ZC3H15: variants seen among roughly 807,000 people sequenced by gnomAD.
ZC3H15 encodes zinc finger CCCH domain-containing protein 15.
Under a neutral mutation model 51.2 loss-of-function variants are expected in ZC3H15, and 15 were observed. The observed-to-expected ratio is 0.29, with a 90% CI of 0.20 to 0.45. ZC3H15 has a LOEUF of 0.45. Among genes scored for constraint, ZC3H15 ranks in the 20% least tolerant of loss-of-function variants. ZC3H15 has a pLI of 1.00. For synonymous variants in ZC3H15, 144 were observed against 162.8 expected, an observed-to-expected ratio of 0.88 and a Z score of 0.88; for missense variants, 381 against 494.7, an observed-to-expected ratio of 0.77 and a Z score of 2.18.
At position 186,508,845 on chromosome 2, in the gene ZC3H15, G is replaced by C. The variant is rs1685509270; in HGVS notation, c.*112G>C. 2 of 1,243,482 alleles carry C rather than the reference G, an allele frequency of 1.6e-6. No individual in the cohort carries two copies. Among genetic ancestry groups the C allele is most frequent in the East Asian group, 5.0e-5 (2 of 39,608 alleles). 77.0% of individuals were successfully genotyped at this position (1,243,482 alleles called of 1,614,324 possible). A position where few individuals can be genotyped will look rare whatever the true frequency, so the allele number is the denominator to read the frequency against. On this transcript the variant is annotated 3_prime_UTR_variant, in exon 10 of 10. Transcript: ENST00000337859. The stretch of plus-strand genomic sequence containing the variant: ...GATGTTTATTTCCTATGCTGATTCT[G>C]GAGGAGTTAACCTCCTGCAAAAAAG...
At chr2:186,494,764 G>A (rs1050559532) in intron 1 of ZC3H15, among the ~76,000 whole-genome samples, 7 of 151,982 alleles carry the variant, frequency 4.6e-5, no homozygotes, top group African/African-American at 9.7e-5. Flanking sequence ...GGTGGGAATC[G>A]AACAATGAGA....
intron 2 of ZC3H15, among the ~76,000 whole-genome samples, chr2:186,496,665 A>G (rs1685287195): frequency 6.6e-6 from 1 of 152,208 alleles, no homozygotes; most frequent in African/African-American, 2.4e-5. Flanking sequence ...AATATCATAG[A>G]GTGTACTTAC....
chr2:186,500,758 T>C, intron 3 of ZC3H15: 1 of 452,010 alleles, frequency 2.2e-6, no homozygotes, highest in Admixed American at 2.4e-5. Context: ...CACTGCAACC[T>C]CCGACTGTCT....
chr2:186,503,126 GTC>G (rs1332552729), intron 5 of ZC3H15, among the ~76,000 whole-genome samples: 1 of 152,116 alleles, frequency 6.6e-6, no homozygotes, highest in Non-Finnish European at 1.5e-5. Flanking sequence ...ACAGTAAAAA[GTC>G]TTGCTGTGCT....
At chr2:186,502,091 A>G (rs970012294) in intron 4 of ZC3H15, among the ~76,000 whole-genome samples, 2 of 152,106 alleles carry the variant, frequency 1.3e-5, no homozygotes, top group South Asian at 4.1e-4. Context: ...GCTCATGCCT[A>G]TAATCCCAGC....
intron 2 of ZC3H15, among the ~76,000 whole-genome samples, chr2:186,498,137 G>A (rs1685313897): frequency 6.6e-6 from 1 of 152,192 alleles, no homozygotes; most frequent in African/African-American, 2.4e-5. Flanking sequence ...GTCTGAGGTA[G>A]CCAAGAGAAC....
intron 1 of ZC3H15, 169 bp from the exon 2 acceptor site, chr2:186,495,064 G>A (rs1217598727): frequency 2.6e-6 from 1 of 383,008 alleles, no homozygotes; most frequent in East Asian, 4.4e-5. Context: ...TAAAGAATCT[G>A]GGTGATGATT....
At chr2:186,503,971 G>A in intron 5 of ZC3H15, 61 bp from the exon 6 acceptor site, 1 of 1,363,726 alleles carries the variant, frequency 7.3e-7, no homozygotes, top group South Asian at 1.7e-5. Context: ...ATATACTCAG[G>A]CATTTACCTT....
chr2:186,505,343 C>G, intron 6 of ZC3H15, 108 bp from the exon 7 acceptor site: 1 of 1,321,068 alleles, frequency 7.6e-7, no homozygotes, highest in Non-Finnish European at 1.0e-6. Flanking sequence ...AATGTAATAT[C>G]TTCAGGATAG....
At position 186,486,355 on chromosome 2, in the gene ZC3H15, A is replaced by G. The variant is rs201620446; in HGVS notation, c.-28A>G. The G allele has an allele frequency of 3.3e-6, 5 of 1,526,170 alleles. No individual in the cohort carries two copies. In the East Asian group the frequency reaches 1.0e-4, roughly 31 times the overall value. 94.5% of individuals were successfully genotyped at this position (1,526,170 alleles called of 1,614,324 possible). A position where few individuals can be genotyped will look rare whatever the true frequency, so the allele number is the denominator to read the frequency against. ...CCCTGACGGTATTCAGCTGCGCGTA[A>G]GTCTGGCCGGTGCCATCTGTCTCCG... is the stretch of plus-strand genomic sequence containing the variant. On this transcript the variant is annotated 5_prime_UTR_variant, in exon 1 of 10. Coordinates refer to ENST00000337859, the MANE Select transcript of ZC3H15 (RefSeq NM_018471.3).
Position 186,501,307 on chromosome 2 carries a change from C to T in ZC3H15, c.324C>T (p.Phe108=), listed in dbSNP as rs749268702. 6.2e-7 allele frequency: 1 copy of T among 1,611,008 alleles called. No homozygotes were observed. Among genetic ancestry groups the T allele is most frequent in the East Asian group, 2.2e-5 (1 of 44,806 alleles). The change falls in exon 4 of 10, where the codon TTC becomes TTT. Residue 108 remains phenylalanine, a synonymous_variant. Transcript: ENST00000337859. ...ADPKSVVCAF[F]KQGQCTKGDK... Reference sequence around the variant, plus strand: ...CCAAGTCTGTAGTATGTGCATTCTTCAAGCAAGGACAGTGTACTAAAGGAG... The same window carrying T: ...CCAAGTCTGTAGTATGTGCATTCTTTAAGCAAGGACAGTGTACTAAAGGAG...
chr2:186,503,853 T>C (rs749819223), intron 5 of ZC3H15, among the ~76,000 whole-genome samples, 179 bp from the exon 6 acceptor site: 5 of 152,240 alleles, frequency 3.3e-5, no homozygotes, highest in Non-Finnish European at 5.9e-5. Context: ...TAAGATAAAC[T>C]TCTGTTGCAT....
intron 4 of ZC3H15, 135 bp from the exon 5 acceptor site, chr2:186,502,361 C>A: frequency 1.5e-6 from 1 of 662,782 alleles, no homozygotes; most frequent in Non-Finnish European, 2.4e-6. Flanking sequence ...AACAGTGAGA[C>A]CCCGTCTCAA....
Position 186,486,439 on chromosome 2 carries a change from G to T in ZC3H15, c.57G>T (p.Lys19Asn). 6.4e-7 allele frequency: 1 copy of T among 1,569,386 alleles called. No individual in the cohort carries two copies. Among genetic ancestry groups the T allele is most frequent in the Non-Finnish European group, 8.7e-7 (1 of 1,155,656 alleles). The change falls in exon 1 of 10, where the codon AAG becomes AAT. Residue 19 changes from lysine to asparagine, a missense_variant. Coordinates refer to ENST00000337859, the MANE Select transcript of ZC3H15 (RefSeq NM_018471.3). ...GCAGCAAAAAGGCGGAGCAAAAAAA[G>T]AAGGAGAAGATTATCGAAGTGAGTA... is the stretch of plus-strand genomic sequence containing the variant. ...AGGSKKAEQK[K>N]KEKIIEDKTF...
At chr2:186,486,522 G>C in intron 1 of ZC3H15, 65 bp downstream of exon 1, 1 of 1,485,786 alleles carries the variant, frequency 6.7e-7, no homozygotes, top group South Asian at 1.3e-5. Flanking sequence ...CCCGCTCCGG[G>C]CTTCCCTGGG....
At chr2:186,508,115 C>T (rs1685496696) in intron 9 of ZC3H15, among the ~76,000 whole-genome samples, 1 of 152,050 alleles carries the variant, frequency 6.6e-6, no homozygotes, top group Non-Finnish European at 1.5e-5. Flanking sequence ...CACAGCATTA[C>T]AACAGCATGA....
At chr2:186,508,418 T>C (rs2105595909) in intron 9 of ZC3H15, 125 bp from the exon 10 acceptor site, 2 of 809,008 alleles carry the variant, frequency 2.5e-6, no homozygotes, top group East Asian at 2.7e-5. Context: ...GGAGTAATTC[T>C]GGGGAAATGG....
At position 186,502,399 on chromosome 2, in the gene ZC3H15, C is replaced by T. The variant is rs992469178; in HGVS notation, c.443-97C>T. On this transcript the variant is annotated intron_variant, in intron 4 of 9. Coordinates refer to ENST00000337859, the MANE Select transcript of ZC3H15 (RefSeq NM_018471.3). ...AAAAGAAAAAGAAAAATGTGTTAAG[C>T]CATGAGTCTTATAACACAGCATTAG... is the stretch of plus-strand genomic sequence containing the variant. The T allele has an allele frequency of 4.0e-6, 4 of 1,000,770 alleles. No individual in the cohort carries two copies. In the African/African-American group the frequency reaches 5.0e-5, roughly 12 times the overall value. The allele number at this position is 1,000,770 out of a possible 1,614,324, so 62.0% of individuals were successfully genotyped here.
Position 186,505,457 on chromosome 2 carries a change from G to T in ZC3H15, c.724G>T (p.Ala242Ser). The change falls in exon 7 of 10, where the codon GCC becomes TCC. Residue 242 changes from alanine to serine, a missense_variant. Physicochemically the swap from Ala to Ser is moderately conservative, Grantham distance 99 (BLOSUM62 1). This residue lies in a region of ZC3H15 where 215 missense variants were observed against 241.8 expected (regional missense o/e 0.89). Transcript: ENST00000337859. ...LEDLIERERSALGPNVTKITL... is the reference protein window; with the variant it reads ...LEDLIERERSSLGPNVTKITL... Reference sequence around the variant, plus strand: ...TAATTCTTTACCATTGCAGCGTTCTGCCCTAGGTCCAAATGTTACCAAAAT... The same window carrying T: ...TAATTCTTTACCATTGCAGCGTTCTTCCCTAGGTCCAAATGTTACCAAAAT... 6.4e-7 allele frequency: 1 copy of T among 1,556,380 alleles called. No individual in the cohort carries two copies. Among genetic ancestry groups the T allele is most frequent in the Non-Finnish European group, 8.6e-7 (1 of 1,157,816 alleles).
Sources: allele counts gnomAD v4.1 joint callset (sites outside exome capture counted in the v4.1 genomes callset), GRCh38; gene constraint gnomAD v4.1.1; regional missense constraint gnomAD v4.1.1; transcripts MANE v1.5; gene names NCBI Gene and HGNC (gene_info 2026-07-23, HGNC 2026-07-21).